Variants in UGGT2 observed in about 807,000 individuals in gnomAD.
The protein encoded by UGGT2 is UDP-glucose glycoprotein glucosyltransferase 2.
In UGGT2, 180 loss-of-function variants were observed where a neutral mutation model predicts 192.1. The ratio of observed to expected loss-of-function variants is 0.94; its 90% CI spans 0.83 to 1.06. The LOEUF is 1.06. Among genes scored for constraint, UGGT2 ranks in the 50% least tolerant of loss-of-function variants. The pLI is 0.00. For missense variants in UGGT2, 1,849 were observed against 1,795.7 expected (o/e 1.03, Z -0.54); for synonymous variants, 580 against 591.0 (o/e 0.98, Z 0.27).
At chr13:95,902,620 C>T (rs1015550752) in intron 21 of UGGT2, among the ~76,000 whole-genome samples, 1 of 151,930 alleles carries the variant, frequency 6.6e-6, no homozygotes. Context: ...ACTAGAATGC[C>T]ATCAACTTTA....
rs893904584 is a variant in UGGT2 at position 95,877,596 on chromosome 13, T to C, written c.3387+102A>G. Reference sequence around the variant, plus strand: ...AGATTCAATTTTGTTTTCTGCAAACTGTTCAGCAACAGCAGAATAAAGATT... The same window carrying C: ...AGATTCAATTTTGTTTTCTGCAAACCGTTCAGCAACAGCAGAATAAAGATT... On this transcript the variant is annotated intron_variant, in intron 28 of 38. Transcript: ENST00000376747. The C allele has an allele frequency of 3.7e-6, 5 of 1,346,542 alleles. No homozygotes were observed. In the African/African-American group the frequency reaches 7.4e-5, roughly 20 times the overall value. The allele number at this position is 1,346,542 out of a possible 1,614,324, so 83.4% of individuals were successfully genotyped here.
At chr13:95,803,199 T>G (rs1884146465) in intron 38 of UGGT2, among the ~76,000 whole-genome samples, 2 of 152,116 alleles carry the variant, frequency 1.3e-5, no homozygotes, top group African/African-American at 4.8e-5. Context: ...TTGAACAATT[T>G]TGAGAGAGAC....
rs779607898 is a variant in UGGT2 at position 95,877,245 on chromosome 13, G to A, written c.3473+34C>T. The A allele has an allele frequency of 4.1e-6, 6 of 1,478,202 alleles. No individual in the cohort carries two copies. The East Asian group carries it at 1.4e-4, about 35-fold the overall frequency. The allele number at this position is 1,478,202 out of a possible 1,614,324, so 91.6% of individuals were successfully genotyped here. ...TGTATTACACTAAAAACGTATTTAT[G>A]TGTAAAAATTTAAAAGCAGCCTGCA... On this transcript the variant is annotated intron_variant, in intron 29 of 38. Transcript: ENST00000376747.
intron 38 of UGGT2, 140 bp downstream of exon 38, chr13:95,832,787 A>C: frequency 7.8e-7 from 1 of 1,285,882 alleles, no homozygotes; most frequent in Non-Finnish European, 1.1e-6. Flanking sequence ...ACACAAAAAT[A>C]CACCTTTAAA....
intron 2 of UGGT2, among the ~76,000 whole-genome samples, chr13:96,027,505 A>AGG (rs1338183500): frequency 1.8e-4 from 28 of 152,194 alleles, no homozygotes; most frequent in Non-Finnish European, 3.4e-4. Context: ...CTTCAACCTC[A>AGG]GCTTTTACTC....
chr13:95,914,388 A>T (rs1256822245), intron 20 of UGGT2, among the ~76,000 whole-genome samples: 2 of 152,142 alleles, frequency 1.3e-5, no homozygotes, highest in Non-Finnish European at 2.9e-5. Flanking sequence ...GGAGAGAATT[A>T]AAGATTTGTC....
chr13:95,854,379 C>T lies in UGGT2; in HGVS notation c.4105G>A (p.Gly1369Arg), dbSNP rs145358686. The T allele has an allele frequency of 5.0e-3, 8,047 of 1,613,808 alleles. 28 individuals are homozygous for T. Among genetic ancestry groups the T allele is most frequent in the Non-Finnish European group, 6.0e-3 (7,036 of 1,179,844 alleles). ...PFCDSRREMD[G>R]YRFWKTGYWA... Reference sequence around the variant, plus strand: ...TATCCTGTTTTCCAGAAACGATATCCATCCATTTCCCTGCGGCTATCACAA... The same window carrying T: ...TATCCTGTTTTCCAGAAACGATATCTATCCATTTCCCTGCGGCTATCACAA... The change falls in exon 35 of 39, where the codon GGA (glycine) becomes AGA (arginine). Residue 1369 changes from glycine (G) to arginine (R), a missense_variant. Gly to Arg is a moderately radical substitution (Grantham distance 125). Coordinates refer to ENST00000376747, the MANE Select transcript of UGGT2 (RefSeq NM_020121.4).
At chr13:95,934,677 A>G (rs1306564168) in intron 17 of UGGT2, among the ~76,000 whole-genome samples, 1 of 152,034 alleles carries the variant, frequency 6.6e-6, no homozygotes, top group African/African-American at 2.4e-5. Context: ...ACGCCTGGCT[A>G]AGTTTTAAGT....
chr13:95,890,248 C>T (rs1949681514), intron 25 of UGGT2, among the ~76,000 whole-genome samples: 1 of 152,158 alleles, frequency 6.6e-6, no homozygotes, highest in African/African-American at 2.4e-5. Context: ...CCACACTTCA[C>T]AACATATGAA....
At chr13:95,977,248 A>G (rs980379668) in intron 10 of UGGT2, among the ~76,000 whole-genome samples, 2 of 152,218 alleles carry the variant, frequency 1.3e-5, no homozygotes, top group Non-Finnish European at 2.9e-5. Context: ...AGAAACTATC[A>G]TCAGAGTGAA....
At chr13:96,017,081 G>A (rs1232866030) in intron 4 of UGGT2, among the ~76,000 whole-genome samples, 1 of 152,146 alleles carries the variant, frequency 6.6e-6, no homozygotes, top group African/African-American at 2.4e-5. Flanking sequence ...TCTCCCTTTG[G>A]TAACGGGAAT....
chr13:95,821,712 T>C (rs78176046), intron 38 of UGGT2, among the ~76,000 whole-genome samples: 1 of 148,664 alleles, frequency 6.7e-6, no homozygotes, highest in Non-Finnish European at 1.5e-5. Context: ...ATTTAAGTCT[T>C]TGAGCCATCT....
chr13:95,963,059 T>G (rs193221012), intron 12 of UGGT2, among the ~76,000 whole-genome samples: 232 of 152,266 alleles, frequency 1.5e-3, no homozygotes, highest in Admixed American at 2.8e-3. Context: ...TACCTCCCAC[T>G]GGGTCCCTCC....
intron 15 of UGGT2, among the ~76,000 whole-genome samples, chr13:95,940,766 T>C (rs1299147529): frequency 6.6e-6 from 1 of 152,170 alleles, no homozygotes; most frequent in Non-Finnish European, 1.5e-5. Context: ...AATTTTTTTG[T>C]ATTTTTTGTA....
intron 9 of UGGT2, chr13:95,985,150 TTTTAC>T: frequency 1.7e-6 from 1 of 589,504 alleles, no homozygotes; most frequent in East Asian, 7.7e-5. Flanking sequence ...ACTAAAGTTA[TTTTAC>T]TTTATTTGTA....
chr13:95,873,373 A>C (rs1230351251), intron 29 of UGGT2, among the ~76,000 whole-genome samples: 1 of 152,220 alleles, frequency 6.6e-6, no homozygotes, highest in East Asian at 1.9e-4. Flanking sequence ...GGAGGGTAGG[A>C]ACTGTCTATT....
intron 38 of UGGT2, among the ~76,000 whole-genome samples, chr13:95,821,099 AT>A (rs1885464863): frequency 6.6e-6 from 1 of 152,004 alleles, no homozygotes; most frequent in South Asian, 2.1e-4. Context: ...CGGTGGGGAG[AT>A]ACCTAGCAGC....
intron 38 of UGGT2, among the ~76,000 whole-genome samples, chr13:95,821,552 T>C (rs906151128): frequency 1.3e-5 from 2 of 152,238 alleles, no homozygotes; most frequent in Non-Finnish European, 2.9e-5. Flanking sequence ...TGATGATTAT[T>C]TCTTTTGCCA....
chr13:95,877,976 T>C (rs1053972204), intron 27 of UGGT2, 120 bp from the exon 28 acceptor site: 2 of 1,017,298 alleles, frequency 2.0e-6, no homozygotes, highest in African/African-American at 3.3e-5. Context: ...TAACTTTAAG[T>C]CTTTATTTTA....
Sources: gnomAD v4.1 joint callset for allele counts (sites outside exome capture counted in the v4.1 genomes callset) on GRCh38, gnomAD v4.1.1 for gene constraint, MANE v1.5 for transcripts, NCBI Gene and HGNC (gene_info 2026-07-23, HGNC 2026-07-21) for gene names.